Variants in DPYD observed in about 807,000 individuals in gnomAD.
The protein encoded by DPYD is dihydropyrimidine dehydrogenase.
In DPYD, 109 loss-of-function variants were observed where a neutral mutation model predicts 116.2. The ratio of observed to expected loss-of-function variants is 0.94; its 90% CI spans 0.80 to 1.10. The LOEUF (loss-of-function observed/expected upper bound fraction) is 1.10. Among genes scored for constraint, DPYD ranks in the 50% least tolerant of loss-of-function variants. The probability of loss-of-function intolerance (pLI) is 0.00; values close to 1 mark genes in which losing one functional copy is unlikely to be tolerated. For missense variants in DPYD, 1,302 were observed against 1,254.5 expected, an observed-to-expected ratio of 1.04 and a Z score of -0.57; for synonymous variants, 440 against 432.0, an observed-to-expected ratio of 1.02 and a Z score of -0.23.
intron 7 of DPYD, among the ~76,000 whole-genome samples, chr1:97,688,780 G>T (rs1486814624): frequency 6.6e-6 from 1 of 151,810 alleles, no homozygotes; most frequent in Non-Finnish European, 1.5e-5. Context: ...ATAAATAAAT[G>T]AATGCACAAG....
At chr1:97,891,809 A>G (rs1672793387) in intron 1 of DPYD, among the ~76,000 whole-genome samples, 2 of 151,924 alleles carry the variant, frequency 1.3e-5, no homozygotes, top group South Asian at 4.1e-4. Context: ...GTATTGTTTT[A>G]TATCACAATA....
intron 20 of DPYD, among the ~76,000 whole-genome samples, chr1:97,190,937 T>C (rs2101818925): frequency 6.6e-6 from 1 of 152,280 alleles, no homozygotes; most frequent in South Asian, 2.1e-4. Context: ...CTAGAGTGTC[T>C]TTCTACAAAG....
At chr1:97,258,097 C>T (rs976966788) in intron 18 of DPYD, among the ~76,000 whole-genome samples, 4 of 151,898 alleles carry the variant, frequency 2.6e-5, no homozygotes, top group Non-Finnish European at 5.9e-5. Flanking sequence ...TGTCGTAGGG[C>T]CTAGAGTAAA....
intron 2 of DPYD, among the ~76,000 whole-genome samples, chr1:97,831,161 A>G (rs906328176): frequency 2.0e-5 from 3 of 152,262 alleles, no homozygotes; most frequent in Admixed American, 2.0e-4. Context: ...TTCAAGAACC[A>G]TATGTAGAAG....
rs1013523417 is a variant in DPYD, at chr1:97,906,543, C to G, written c.39+14341G>C. 3.3e-5 allele frequency among the ~76,000 whole-genome samples: 5 copies of G among 152,056 alleles called. 1 individual carries two copies. The South Asian group carries it at 1.0e-3, about 31-fold the overall frequency. On this transcript the variant is annotated intron_variant, in intron 1 of 22. Coordinates refer to ENST00000370192, the MANE Select transcript of DPYD (RefSeq NM_000110.4). Reference sequence around the variant, plus strand: ...CTTAAAAATTACTTATAAAATTGAACTATGGAATAATATGTTTTGTTGGTA... The same window carrying G: ...CTTAAAAATTACTTATAAAATTGAAGTATGGAATAATATGTTTTGTTGGTA...
At chr1:97,831,542 T>C (rs1008095615) in intron 2 of DPYD, among the ~76,000 whole-genome samples, 7 of 152,146 alleles carry the variant, frequency 4.6e-5, no homozygotes, top group African/African-American at 1.2e-4. Flanking sequence ...ACGATTTCAG[T>C]GGTAAGTATC....
At chr1:97,733,515 T>C (rs1355017367) in intron 4 of DPYD, among the ~76,000 whole-genome samples, 1 of 151,986 alleles carries the variant, frequency 6.6e-6, no homozygotes, top group Non-Finnish European at 1.5e-5. Flanking sequence ...ACTACAAATA[T>C]CCTTTTAGAC....
rs1421994251 is a variant in DPYD, at chr1:97,479,098, C to G, written c.1741-28875G>C. 2.6e-5 allele frequency among the ~76,000 whole-genome samples: 4 copies of G among 152,156 alleles called. No individual in the cohort carries two copies. The East Asian group carries it at 7.7e-4, about 29-fold the overall frequency. On this transcript the variant is annotated intron_variant, in intron 13 of 22. Transcript: ENST00000370192. ...AACTTTCCCTATAGCAGCAATCAGG[C>G]TGTTTTGATGTCTTATCATTTATGT...
intron 13 of DPYD, among the ~76,000 whole-genome samples, chr1:97,504,881 G>T (rs920594187): frequency 4.1e-5 from 6 of 146,500 alleles, no homozygotes; most frequent in South Asian, 2.3e-4. Context: ...TTCCATTCAG[G>T]AAAGGGGCCG....
At chr1:97,884,182 T>C (rs1672373411) in intron 1 of DPYD, among the ~76,000 whole-genome samples, 1 of 152,038 alleles carries the variant, frequency 6.6e-6, no homozygotes, top group South Asian at 2.1e-4. Context: ...TATTGTATTT[T>C]CTACTAATTA....
intron 2 of DPYD, among the ~76,000 whole-genome samples, chr1:97,828,923 T>G (rs1669386485): frequency 6.6e-6 from 1 of 151,926 alleles, no homozygotes; most frequent in Admixed American, 6.6e-5. Context: ...CTAGACTGAA[T>G]TTTCTAAAAG....
chr1:97,463,210 C>T (rs567897258), intron 13 of DPYD, among the ~76,000 whole-genome samples: 127 of 152,250 alleles, frequency 8.3e-4, no homozygotes, highest in African/African-American at 2.8e-3. Flanking sequence ...GGGAGGGACC[C>T]GGTGGGAGAT....
chr1:97,795,212 T>A (rs1667505692), intron 3 of DPYD, among the ~76,000 whole-genome samples: 1 of 152,024 alleles, frequency 6.6e-6, no homozygotes, highest in African/African-American at 2.4e-5. Context: ...AAAATAATTA[T>A]TTTTAATTTC....
Position 97,803,078 on chromosome 1 carries a change from CTAAA to C in DPYD, c.233+25032_233+25035del, listed in dbSNP as rs1387196220. 3.3e-5 allele frequency among the ~76,000 whole-genome samples: 5 copies of C among 151,890 alleles called. No homozygotes were observed. In the East Asian group the frequency reaches 9.7e-4, roughly 29 times the overall value. On this transcript the variant is annotated intron_variant, in intron 3 of 22. Coordinates refer to ENST00000370192, the MANE Select transcript of DPYD (RefSeq NM_000110.4). Reference sequence around the variant, plus strand: ...ATGAAATTATTACAATGAAAAGAAACTAAATATATTAAATACTGTATAATTATCT... The same window carrying C: ...ATGAAATTATTACAATGAAAAGAAACTATATTAAATACTGTATAATTATCT...
At chr1:97,846,881 C>T (rs1003985663) in intron 2 of DPYD, among the ~76,000 whole-genome samples, 1 of 152,072 alleles carries the variant, frequency 6.6e-6, no homozygotes, top group Non-Finnish European at 1.5e-5. Flanking sequence ...ATTAGTTCAT[C>T]GTATGTTTTC....
intron 16 of DPYD, among the ~76,000 whole-genome samples, chr1:97,325,654 T>C (rs1035197027): frequency 2.0e-5 from 3 of 151,994 alleles, no homozygotes; most frequent in Non-Finnish European, 2.9e-5. Context: ...GTGATTACTT[T>C]TTATTAACTT....
intron 2 of DPYD, among the ~76,000 whole-genome samples, chr1:97,835,769 T>C (rs1669741479): frequency 6.6e-6 from 1 of 152,162 alleles, no homozygotes; most frequent in Non-Finnish European, 1.5e-5. Flanking sequence ...ATGTCCCATG[T>C]ACTGCCAACC....
chr1:97,837,845 A>C (rs563279096), intron 2 of DPYD, among the ~76,000 whole-genome samples: 2 of 152,288 alleles, frequency 1.3e-5, no homozygotes, highest in South Asian at 4.1e-4. Context: ...GATAGTAGGC[A>C]AATAGAAGCA....
chr1:97,725,242 A>C (rs925156566), intron 4 of DPYD, among the ~76,000 whole-genome samples: 1 of 151,700 alleles, frequency 6.6e-6, no homozygotes, highest in African/African-American at 2.4e-5. Context: ...TATATGTATT[A>C]AAAACTGTAA....
Sources: allele counts gnomAD v4.1 joint callset (sites outside exome capture counted in the v4.1 genomes callset), GRCh38; gene constraint gnomAD v4.1.1; transcripts MANE v1.5; gene names NCBI Gene and HGNC (gene_info 2026-07-23, HGNC 2026-07-21).